SNTN: variants seen among roughly 807,000 people sequenced by gnomAD.
The protein encoded by SNTN is sentan, cilia apical structure protein, also known as sentan.
A neutral mutation model predicts 12.3 loss-of-function variants in SNTN; 13 were observed. That is an observed-to-expected ratio of 1.05 (90% CI 0.69 to 1.67). SNTN has a LOEUF of 1.67. Ranked by LOEUF, SNTN falls within the 40% of genes most tolerant of loss-of-function variation. The pLI, the probability that SNTN is intolerant of heterozygous loss-of-function variation, is 0.00. For missense variants in SNTN, 189 were observed against 169.8 expected (o/e 1.11, Z -0.63); for synonymous variants, 69 against 58.5 (o/e 1.18, Z -0.82).
In SNTN at chr3:63,664,203, C is replaced by A; in HGVS notation, c.*108C>A. On this transcript the variant is annotated 3_prime_UTR_variant, in exon 4 of 4. Coordinates refer to ENST00000343837, the MANE Select transcript of SNTN (RefSeq NM_001080537.2). ...ATATCTATCATGCATCTGAAATTGC[C>A]TAGGATGGTTCTGATTGCTGGTATT... 8.7e-7 allele frequency: 1 copy of A among 1,144,946 alleles called. No individual in the cohort carries two copies. Among genetic ancestry groups the A allele is most frequent in the East Asian group, 2.6e-5 (1 of 38,384 alleles). 70.9% of individuals were successfully genotyped at this position (1,144,946 alleles called of 1,614,324 possible).
At chr3:63,660,287 G>A (rs1342254940) in intron 3 of SNTN, among the ~76,000 whole-genome samples, 1 of 152,040 alleles carries the variant, frequency 6.6e-6, no homozygotes, top group Non-Finnish European at 1.5e-5. Context: ...AGAAGGGATG[G>A]GACGGTAGCT....
chr3:63,657,021 C>CA (rs1700686694), intron 2 of SNTN, among the ~76,000 whole-genome samples: 1 of 152,116 alleles, frequency 6.6e-6, no homozygotes, highest in South Asian at 2.1e-4. Context: ...AGGGAGGAGT[C>CA]ATTGGCATGT....
At chr3:63,655,036 C>T (rs1369132752) in intron 2 of SNTN, among the ~76,000 whole-genome samples, 1 of 152,124 alleles carries the variant, frequency 6.6e-6, no homozygotes, top group Non-Finnish European at 1.5e-5. Flanking sequence ...ACCATGGATC[C>T]CCTGGCTCCT....
intron 2 of SNTN, among the ~76,000 whole-genome samples, chr3:63,657,400 C>A (rs895667334): frequency 6.6e-6 from 1 of 152,142 alleles, no homozygotes; most frequent in Non-Finnish European, 1.5e-5. Flanking sequence ...CATACTAGTT[C>A]CCAACTCTGC....
At chr3:63,656,085 T>C (rs1370327431) in intron 2 of SNTN, among the ~76,000 whole-genome samples, 2 of 152,204 alleles carry the variant, frequency 1.3e-5, no homozygotes, top group African/African-American at 2.4e-5. Context: ...CTTCACATCA[T>C]TCACAAAAAT....
chr3:63,659,890 A>G, intron 3 of SNTN, 26 bp downstream of exon 3: 1 of 1,613,322 alleles, frequency 6.2e-7, no homozygotes, highest in Non-Finnish European at 8.5e-7. Flanking sequence ...TGCATAAAGA[A>G]ACAGAAACTA....
intron 1 of SNTN, 128 bp downstream of exon 1, chr3:63,652,925 C>T (rs575078207): frequency 1.4e-4 from 100 of 737,370 alleles, no homozygotes; most frequent in African/African-American, 7.1e-4. Flanking sequence ...TACCCTAATC[C>T]GGCTTTAAAT....
In SNTN at chr3:63,654,756, T is replaced by C. The variant is rs1298997104; in HGVS notation, c.111-6T>C. ...AATCATTCTGTTTCTTTCATTTTGT[T>C]GGCAGGATTTCAATATCCAAACAAC... On this transcript the variant is annotated splice_region_variant and splice_polypyrimidine_tract_variant and intron_variant, in intron 1 of 3. Transcript: ENST00000343837. 6.2e-6 allele frequency: 10 copies of C among 1,613,138 alleles called. No homozygotes were observed. The highest frequency in any genetic ancestry group is 8.5e-6 in the Non-Finnish European group (10 of 1,179,396).
intron 2 of SNTN, among the ~76,000 whole-genome samples, chr3:63,658,243 G>A (rs752683388): frequency 3.3e-5 from 5 of 151,656 alleles, no homozygotes; most frequent in African/African-American, 9.7e-5. Context: ...CACCCTTTTC[G>A]TGGCTGGCTC....
At chr3:63,662,192 A>C (rs1431890741) in intron 3 of SNTN, among the ~76,000 whole-genome samples, 1 of 152,160 alleles carries the variant, frequency 6.6e-6, no homozygotes, top group Non-Finnish European at 1.5e-5. Context: ...GCCCTGCCCC[A>C]TGAGACCCCC....
intron 2 of SNTN, among the ~76,000 whole-genome samples, chr3:63,655,745 A>G (rs1700672550): frequency 6.6e-6 from 1 of 152,156 alleles, no homozygotes; most frequent in African/African-American, 2.4e-5. Flanking sequence ...GATAAACATG[A>G]TTCATCTCCC....
chr3:63,664,987 C>G lies in SNTN; in HGVS notation c.*892C>G, dbSNP rs1054744498. 1.1e-4 allele frequency among the ~76,000 whole-genome samples: 16 copies of G among 152,086 alleles called. No homozygotes were observed. The highest frequency in any genetic ancestry group is 7.4e-5 in the Non-Finnish European group (5 of 67,990). On this transcript the variant is annotated 3_prime_UTR_variant, in exon 4 of 4. Transcript: ENST00000343837. ...GCCAGGCTGGTCTCGAACTCCTGAC[C>G]TCAGGTGATCCGCCCACAGCCTCCC...
intron 2 of SNTN, 144 bp downstream of exon 2, chr3:63,654,940 T>G (rs1247338462): frequency 4.0e-5 from 30 of 746,366 alleles, no homozygotes; most frequent in Non-Finnish European, 6.2e-5. Flanking sequence ...ATGATGTTCT[T>G]TTTAAAGATG....
At chr3:63,661,877 A>G (rs1700747345) in intron 3 of SNTN, among the ~76,000 whole-genome samples, 1 of 152,182 alleles carries the variant, frequency 6.6e-6, no homozygotes, top group Non-Finnish European at 1.5e-5. Flanking sequence ...AACACATATG[A>G]AAATGAAGAA....
At chr3:63,653,177 T>C (rs1200488323) in intron 1 of SNTN, among the ~76,000 whole-genome samples, 1 of 152,182 alleles carries the variant, frequency 6.6e-6, no homozygotes, top group Non-Finnish European at 1.5e-5. Context: ...TATAATTTCA[T>C]TTAGGAGACT....
At position 63,664,313 on chromosome 3, in the gene SNTN, A is replaced by G. The variant is rs1700778231; in HGVS notation, c.*218A>G. 1 of 470,140 alleles carries G rather than the reference A, an allele frequency of 2.1e-6. No homozygotes were observed. Among genetic ancestry groups the G allele is most frequent in the Non-Finnish European group, 3.7e-6 (1 of 269,828 alleles). 29.1% of individuals were successfully genotyped at this position (470,140 alleles called of 1,614,324 possible). A position where few individuals can be genotyped will look rare whatever the true frequency, so the allele number is the denominator to read the frequency against. On this transcript the variant is annotated 3_prime_UTR_variant, in exon 4 of 4. Transcript: ENST00000343837. ...GTCTCTGTGTGCTTTACAATAGGATAGATTTGATACCACTGAATAATAAAT... is the reference window on the plus strand; with the variant it reads ...GTCTCTGTGTGCTTTACAATAGGATGGATTTGATACCACTGAATAATAAAT...
chr3:63,652,831 C>T, intron 1 of SNTN, 34 bp downstream of exon 1: 3 of 1,579,934 alleles, frequency 1.9e-6, no homozygotes, highest in Non-Finnish European at 2.6e-6. Context: ...TATTGAGTTT[C>T]ATTTAAGCTT....
chr3:63,655,725 A>G lies in SNTN; in HGVS notation c.145+929A>G, dbSNP rs1394917595. On this transcript the variant is annotated intron_variant, in intron 2 of 3. Transcript: ENST00000343837. The stretch of plus-strand genomic sequence containing the variant: ...ACCACATTTATTCTTATGCCTTAAA[A>G]AAAACACAGGATAAACATGATTCAT... Among the ~76,000 whole-genome samples, 4 of 152,282 alleles carry G rather than the reference A, an allele frequency of 2.6e-5. No individual in the cohort carries two copies. The East Asian group carries it at 7.7e-4, about 29-fold the overall frequency.
intron 3 of SNTN, among the ~76,000 whole-genome samples, chr3:63,661,646 G>C (rs1700744948): frequency 6.7e-6 from 1 of 148,650 alleles, no homozygotes; most frequent in African/African-American, 2.5e-5. Flanking sequence ...TATTAAACAT[G>C]TATTTTTCTG....
Sources: allele counts gnomAD v4.1 joint callset (sites outside exome capture counted in the v4.1 genomes callset), GRCh38; gene constraint gnomAD v4.1.1; transcripts MANE v1.5; gene names NCBI Gene and HGNC (gene_info 2026-07-23, HGNC 2026-07-21).